Variants in SKAP1 observed in about 807,000 individuals in gnomAD.
SKAP1 encodes src kinase-associated phosphoprotein 1.
A neutral mutation model predicts 58.5 loss-of-function variants in SKAP1; 44 were observed. That is an observed-to-expected ratio of 0.75 (90% CI 0.59 to 0.97). SKAP1 has a LOEUF of 0.97. Among genes scored for constraint, SKAP1 ranks in the 50% least tolerant of loss-of-function variants. The pLI, the probability that SKAP1 is intolerant of heterozygous loss-of-function variation, is 0.00. For missense variants in SKAP1, 390 were observed against 435.2 expected, an observed-to-expected ratio of 0.90 and a Z score of 0.92; for synonymous variants, 127 against 149.7, an observed-to-expected ratio of 0.85 and a Z score of 1.11.
At chr17:48,438,837 A>G in the SKAP1 span, among the ~76,000 whole-genome samples, 4 of 152,146 alleles carry the variant, frequency 2.6e-5, no homozygotes, top group African/African-American at 7.2e-5. Flanking sequence ...GCTCTACAGA[A>G]GGGCTGGGGT....
intron 4 of SKAP1, among the ~76,000 whole-genome samples, chr17:48,237,582 G>A (rs1465099674): frequency 2.0e-5 from 3 of 152,184 alleles, no homozygotes; most frequent in Non-Finnish European, 2.9e-5. Context: ...TTGCATTCTA[G>A]AGGGATTATT....
At chr17:48,335,487 A>G (rs2066556278) in intron 4 of SKAP1, among the ~76,000 whole-genome samples, 1 of 152,054 alleles carries the variant, frequency 6.6e-6, no homozygotes. Flanking sequence ...TCCATAGGCA[A>G]TTCACATGAA....
intron 1 of SKAP1, among the ~76,000 whole-genome samples, chr17:48,424,709 C>T (rs1410108665): frequency 2.7e-5 from 4 of 150,554 alleles, no homozygotes; most frequent in Admixed American, 1.3e-4. Flanking sequence ...CCGAGGCAGG[C>T]GGATCACGAG....
chr17:48,262,679 G>A (rs2065497942), intron 4 of SKAP1, among the ~76,000 whole-genome samples: 1 of 152,078 alleles, frequency 6.6e-6, no homozygotes, highest in Non-Finnish European at 1.5e-5. Flanking sequence ...CAGATTTTGT[G>A]AACATATGTT....
At chr17:48,322,569 G>A (rs2066382252) in intron 4 of SKAP1, among the ~76,000 whole-genome samples, 2 of 152,106 alleles carry the variant, frequency 1.3e-5, no homozygotes, top group African/African-American at 4.8e-5. Flanking sequence ...ATCTATAGGC[G>A]GCAAGTCTAT....
intron 4 of SKAP1, among the ~76,000 whole-genome samples, chr17:48,316,242 A>G (rs933118107): frequency 6.6e-6 from 1 of 152,098 alleles, no homozygotes; most frequent in Non-Finnish European, 1.5e-5. Flanking sequence ...CTGTCTCTTC[A>G]ATCTCATTTC....
chr17:48,409,444 C>T (rs184429921), intron 1 of SKAP1, among the ~76,000 whole-genome samples: 3 of 152,252 alleles, frequency 2.0e-5, no homozygotes, highest in Admixed American at 2.0e-4. Context: ...GCGGGCAAAT[C>T]ACTTGTGCCC....
intron 4 of SKAP1, among the ~76,000 whole-genome samples, chr17:48,305,243 G>A (rs1304988531): frequency 6.6e-6 from 1 of 152,034 alleles, no homozygotes; most frequent in African/African-American, 2.4e-5. Context: ...GGAGTGCAGT[G>A]GTACAATCAT....
chr17:48,319,136 C>G (rs889790712), intron 4 of SKAP1, among the ~76,000 whole-genome samples: 1 of 152,094 alleles, frequency 6.6e-6, no homozygotes, highest in Non-Finnish European at 1.5e-5. Flanking sequence ...GAGTATGAAA[C>G]TGGAGCTGGA....
intron 4 of SKAP1, among the ~76,000 whole-genome samples, chr17:48,331,821 A>T (rs1032146641): frequency 6.6e-6 from 1 of 152,182 alleles, no homozygotes; most frequent in Non-Finnish European, 1.5e-5. Flanking sequence ...GTAATAAGCT[A>T]GTTAATAAAG....
At chr17:48,176,606 G>C (rs1355324389) in intron 9 of SKAP1, among the ~76,000 whole-genome samples, 1 of 152,140 alleles carries the variant, frequency 6.6e-6, no homozygotes, top group African/African-American at 2.4e-5. Flanking sequence ...CGGATGTTCA[G>C]AAATTCCACC....
chr17:48,211,650 C>T (rs1453470993), intron 4 of SKAP1, among the ~76,000 whole-genome samples: 1 of 152,190 alleles, frequency 6.6e-6, no homozygotes, highest in Non-Finnish European at 1.5e-5. Flanking sequence ...TGCCTAGAAG[C>T]TCCTGGTAAT....
intron 6 of SKAP1, among the ~76,000 whole-genome samples, chr17:48,185,435 G>A: frequency 6.6e-6 from 1 of 152,092 alleles, no homozygotes; most frequent in East Asian, 1.9e-4. Flanking sequence ...ATAACGTTGA[G>A]TATTATTAGA....
At chr17:48,149,095 G>C (rs921037644) in intron 11 of SKAP1, among the ~76,000 whole-genome samples, 3 of 152,166 alleles carry the variant, frequency 2.0e-5, no homozygotes, top group Non-Finnish European at 2.9e-5. Flanking sequence ...GTACCAGCTT[G>C]TTAGTTCCCA....
chr17:48,439,486 G>GA, the SKAP1 span, among the ~76,000 whole-genome samples: 2 of 152,224 alleles, frequency 1.3e-5, no homozygotes, highest in African/African-American at 2.4e-5. Context: ...TGAGACGAAA[G>GA]AAAAAATTGA....
intron 10 of SKAP1, among the ~76,000 whole-genome samples, chr17:48,169,428 T>C (rs2064181434): frequency 6.6e-6 from 1 of 152,176 alleles, no homozygotes; most frequent in Admixed American, 6.5e-5. Context: ...AGATTTTCAT[T>C]TGGAATTCTG....
At chr17:48,233,141 A>G (rs1287418396) in intron 4 of SKAP1, among the ~76,000 whole-genome samples, 1 of 152,200 alleles carries the variant, frequency 6.6e-6, no homozygotes, top group Non-Finnish European at 1.5e-5. Context: ...TAAATTTTAC[A>G]AAAGAAATGC....
intron 4 of SKAP1, among the ~76,000 whole-genome samples, chr17:48,201,620 C>T (rs1225520415): frequency 6.6e-6 from 1 of 152,068 alleles, no homozygotes; most frequent in East Asian, 1.9e-4. Context: ...CTCCTGGTCT[C>T]AAACTTCTGG....
At chr17:48,353,892 T>C (rs35772538) in intron 3 of SKAP1, among the ~76,000 whole-genome samples, 16,657 of 128,138 alleles carry the variant, frequency 0.13, 1,739 homozygotes, top group African/African-American at 0.29. Flanking sequence ...AGCAAGACTC[T>C]GTCTCAAAAA....
Sources: allele counts gnomAD v4.1 joint callset (sites outside exome capture counted in the v4.1 genomes callset), GRCh38; gene constraint gnomAD v4.1.1; transcripts MANE v1.5; gene names NCBI Gene and HGNC (gene_info 2026-07-23, HGNC 2026-07-21).